Variants in KDM3B observed in about 807,000 individuals in gnomAD.
The protein encoded by KDM3B is lysine-specific demethylase 3B.
A neutral mutation model predicts 170.0 loss-of-function variants in KDM3B; 10 were observed. The observed-to-expected ratio is 0.06, with a 90% CI of 0.04 to 0.10. The LOEUF (loss-of-function observed/expected upper bound fraction) is 0.10. KDM3B is among the 10% of genes least tolerant of loss of function. The pLI, the probability that KDM3B is intolerant of heterozygous loss-of-function variation, is 1.00. For missense variants in KDM3B, 1,394 were observed against 2,195.2 expected (o/e 0.64, Z 7.29); for synonymous variants, 831 against 834.8 (o/e 1.00, Z 0.08).
At chr5:138,389,498 A>G (rs558237791) in intron 7 of KDM3B, among the ~76,000 whole-genome samples, 1 of 152,284 alleles carries the variant, frequency 6.6e-6, no homozygotes, top group Admixed American at 6.5e-5. Context: ...AAAATGTACA[A>G]TTCTGTGGCA....
At chr5:138,389,586 C>T (rs1347257245) in intron 7 of KDM3B, among the ~76,000 whole-genome samples, 1 of 152,114 alleles carries the variant, frequency 6.6e-6, no homozygotes, top group Non-Finnish European at 1.5e-5. Context: ...AGGAAAACTC[C>T]ATATCCATTA....
At chr5:138,373,359 A>G (rs900186775) in intron 2 of KDM3B, among the ~76,000 whole-genome samples, 13 of 152,118 alleles carry the variant, frequency 8.5e-5, no homozygotes, top group African/African-American at 3.1e-4. Context: ...AAAAACAACA[A>G]TGAAAAGAAT....
rs1472433954 is a variant in KDM3B at position 138,425,392 on chromosome 5, G to T, written c.4240-19G>T. Reference sequence around the variant, plus strand: ...GTTTTTCCTAGATTGCTCTGATTGGGATATTTTTGTTTCCACAGCCAGTGC... The same window carrying T: ...GTTTTTCCTAGATTGCTCTGATTGGTATATTTTTGTTTCCACAGCCAGTGC... On this transcript the variant is annotated intron_variant, in intron 16 of 23. Transcript: ENST00000314358. 1 of 1,611,362 alleles carries T rather than the reference G, an allele frequency of 6.2e-7. No individual in the cohort carries two copies. Among genetic ancestry groups the T allele is most frequent in the South Asian group, 1.1e-5 (1 of 90,918 alleles).
chr5:138,358,066 C>T (rs1410497919), intron 1 of KDM3B, among the ~76,000 whole-genome samples: 1 of 150,884 alleles, frequency 6.6e-6, no homozygotes. Flanking sequence ...GGTGTGATCT[C>T]GGCTCACTGC....
chr5:138,368,930 A>G (rs1001731103), intron 1 of KDM3B, among the ~76,000 whole-genome samples: 2 of 152,238 alleles, frequency 1.3e-5, no homozygotes, highest in Non-Finnish European at 2.9e-5. Flanking sequence ...TTAAATATTC[A>G]AGTTCTTATG....
chr5:138,427,140 G>A, intron 18 of KDM3B, 49 bp from the exon 19 acceptor site: 1 of 1,607,224 alleles, frequency 6.2e-7, no homozygotes, highest in Non-Finnish European at 8.5e-7. Flanking sequence ...TTGTCTATTG[G>A]CTTTCTTCCC....
chr5:138,420,662 ATTCCTTTTTGTACCTAATGC>A, intron 14 of KDM3B, 24 bp from the exon 15 acceptor site: 1 of 1,605,838 alleles, frequency 6.2e-7, no homozygotes, highest in Non-Finnish European at 8.5e-7. Flanking sequence ...TGTGCTGATT[ATTCCTTTTTGTACCTAATGC>A]TGTTCCTGGT....
In KDM3B at chr5:138,424,642, T is replaced by C. The variant is rs180856642; in HGVS notation, c.4239+301T>C. 2.0e-5 allele frequency among the ~76,000 whole-genome samples: 3 copies of C among 152,242 alleles called. No individual in the cohort carries two copies. The East Asian group carries it at 5.8e-4, about 29-fold the overall frequency. On this transcript the variant is annotated intron_variant, in intron 16 of 23. Transcript: ENST00000314358. ...AAATACAAAAAAAATTAGCTGGGCA[T>C]GGTGGTGGGTGCCTGTAATCCCAGC...
At chr5:138,375,336 A>G (rs1315181773) in intron 3 of KDM3B, 130 bp downstream of exon 3, 1 of 398,592 alleles carries the variant, frequency 2.5e-6, no homozygotes, top group African/African-American at 2.1e-5. Flanking sequence ...TACTTCCTCC[A>G]ATAAATATGC....
At chr5:138,403,854 T>G (rs1580925454) in intron 11 of KDM3B, among the ~76,000 whole-genome samples, 1 of 135,090 alleles carries the variant, frequency 7.4e-6, no homozygotes, top group Admixed American at 7.8e-5. Context: ...AGAACTTTAA[T>G]GTAGCTACTA....
intron 15 of KDM3B, among the ~76,000 whole-genome samples, chr5:138,422,599 C>CA (rs1244442164): frequency 6.6e-6 from 1 of 152,112 alleles, no homozygotes; most frequent in Non-Finnish European, 1.5e-5. Flanking sequence ...AAGATCGCAC[C>CA]ACCGCACTCC....
intron 8 of KDM3B, among the ~76,000 whole-genome samples, chr5:138,392,625 C>G (rs555949433): frequency 2.0e-5 from 3 of 152,294 alleles, no homozygotes; most frequent in African/African-American, 7.2e-5. Flanking sequence ...GAACTGGTAT[C>G]CATTCCCACA....
intron 11 of KDM3B, among the ~76,000 whole-genome samples, chr5:138,410,024 T>A (rs1271918893): frequency 6.6e-6 from 1 of 151,850 alleles, no homozygotes; most frequent in Non-Finnish European, 1.5e-5. Flanking sequence ...GAGGCAGAGG[T>A]TGCAGTGAGC....
chr5:138,434,178 C>T lies in KDM3B; in HGVS notation c.5206-1442C>T, dbSNP rs143968578. On this transcript the variant is annotated intron_variant, in intron 23 of 23. Coordinates refer to ENST00000314358, the MANE Select transcript of KDM3B (RefSeq NM_016604.4). ...GGCTGAGGTGGGAGGATTACTTGAG[C>T]CCAGGAGTTTTGAAGCTCTCGTGAC... Among the ~76,000 whole-genome samples, 583 of 152,268 alleles carry T rather than the reference C, an allele frequency of 3.8e-3. 1 individual carries two copies. The highest frequency in any genetic ancestry group is 0.013 in the African/African-American group (559 of 41,546).
In KDM3B at chr5:138,386,444, C is replaced by A. The variant is rs763845363; in HGVS notation, c.1203C>A (p.Ala401=). Residue 401 remains alanine, a synonymous_variant, in exon 7 of 24, where the codon GCC becomes GCA. Transcript: ENST00000314358. ...CTTTGGCCCCAGAGGTGGGTGGAGC[C>A]GAAAACAAAGAGGCAGGAAAAACAC... is the stretch of plus-strand genomic sequence containing the variant. ...QTPLAPEVGG[A]ENKEAGKTLE... 1.9e-6 allele frequency: 3 copies of A among 1,614,032 alleles called. No homozygotes were observed. The highest frequency in any genetic ancestry group is 2.2e-5 in the South Asian group (2 of 91,076).
chr5:138,375,874 AC>A (rs1761986141), intron 3 of KDM3B, among the ~76,000 whole-genome samples: 1 of 151,256 alleles, frequency 6.6e-6, no homozygotes. Context: ...ATGGGGTTTC[AC>A]CATGTTGGTC....
intron 1 of KDM3B, among the ~76,000 whole-genome samples, chr5:138,366,697 G>A (rs1761752955): frequency 6.6e-6 from 1 of 152,090 alleles, no homozygotes; most frequent in South Asian, 2.1e-4. Context: ...GCTCCTTCAA[G>A]GCTTATAGAG....
chr5:138,398,023 T>G lies in KDM3B; in HGVS notation c.2832-155T>G, dbSNP rs1762589591. 8.3e-6 allele frequency: 5 copies of G among 599,672 alleles called. No individual in the cohort carries two copies. In the South Asian group the frequency reaches 1.0e-4, roughly 12 times the overall value. The allele number at this position is 599,672 out of a possible 1,614,324, so 37.1% of individuals were successfully genotyped here. On this transcript the variant is annotated intron_variant, in intron 9 of 23. Transcript: ENST00000314358. ...TAAATGTTATGTTAACAAGCTTTAC[T>G]ATTAGCAGAGAATGCATACTGTTTT... is the stretch of plus-strand genomic sequence containing the variant.
At chr5:138,430,081 G>GGAA in intron 21 of KDM3B, 116 bp downstream of exon 21, 1 of 1,420,476 alleles carries the variant, frequency 7.0e-7, no homozygotes, top group Non-Finnish European at 9.5e-7. Flanking sequence ...TGTTGGCCAT[G>GGAA]ATACCTCTGG....
Sources: allele counts gnomAD v4.1 joint callset (sites outside exome capture counted in the v4.1 genomes callset), GRCh38; gene constraint gnomAD v4.1.1; transcripts MANE v1.5; gene names NCBI Gene and HGNC (gene_info 2026-07-23, HGNC 2026-07-21).